STPG2: variants seen among roughly 807,000 people sequenced by gnomAD.
The protein encoded by STPG2 is sperm-tail PG-rich repeat-containing protein 2.
In STPG2, 56 loss-of-function variants were observed where a neutral mutation model predicts 54.2. That is an observed-to-expected ratio of 1.03 (90% confidence interval 0.83 to 1.29). STPG2 has a LOEUF of 1.29. Among genes scored for constraint, STPG2 ranks in the 50% most tolerant of loss-of-function variants. STPG2 has a pLI of 0.00. For synonymous variants in STPG2, 200 were observed against 181.8 expected (o/e 1.10, Z -0.81); for missense variants, 596 against 544.9 (o/e 1.09, Z -0.93).
intron 10 of STPG2, among the ~76,000 whole-genome samples, chr4:97,608,401 G>T (rs1024854968): frequency 6.6e-6 from 1 of 152,026 alleles, no homozygotes; most frequent in Non-Finnish European, 1.5e-5. Flanking sequence ...AGGTATAAGT[G>T]AGCTGAGCCC....
intron 8 of STPG2, among the ~76,000 whole-genome samples, chr4:97,863,159 C>G (rs142040824): frequency 1.3e-5 from 2 of 151,688 alleles, no homozygotes; most frequent in South Asian, 2.1e-4. Context: ...AATCCAGGAG[C>G]CAGTTTTTTG....
At chr4:97,858,967 C>T (rs1046349608) in intron 8 of STPG2, among the ~76,000 whole-genome samples, 3 of 152,164 alleles carry the variant, frequency 2.0e-5, no homozygotes, top group African/African-American at 7.2e-5. Flanking sequence ...TCTAAGGAAT[C>T]TCCATACTAC....
chr4:97,788,989 C>T (rs1726911721), intron 9 of STPG2, among the ~76,000 whole-genome samples: 1 of 151,606 alleles, frequency 6.6e-6, no homozygotes, highest in South Asian at 2.1e-4. Context: ...ACTTTTTGTT[C>T]CATTGGGTTT....
Position 97,895,081 on chromosome 4 carries a change from C to T in STPG2, c.1044+48816G>A, listed in dbSNP as rs772337159. On this transcript the variant is annotated intron_variant, in intron 8 of 10. Transcript: ENST00000295268. ...TTTCAAGAATCACAATAATTGTGGG[C>T]TCAAGGTATAACCCAGAAAGAAAAT... is the stretch of plus-strand genomic sequence containing the variant. Among the ~76,000 whole-genome samples, 3 of 151,646 alleles carry T rather than the reference C, an allele frequency of 2.0e-5. No individual in the cohort carries two copies. In the East Asian group the frequency reaches 5.8e-4, roughly 29 times the overall value.
chr4:98,009,483 G>A (rs1291592302), intron 5 of STPG2, among the ~76,000 whole-genome samples: 2 of 151,728 alleles, frequency 1.3e-5, no homozygotes, highest in Non-Finnish European at 2.9e-5. Flanking sequence ...TTTAAGTCTT[G>A]TTTTGTAGTC....
chr4:98,013,186 T>C (rs756090218), intron 5 of STPG2, among the ~76,000 whole-genome samples: 1 of 152,230 alleles, frequency 6.6e-6, no homozygotes, highest in Non-Finnish European at 1.5e-5. Context: ...ATTGAATGTC[T>C]TTTCTGCATC....
intron 10 of STPG2, among the ~76,000 whole-genome samples, chr4:97,593,907 A>G (rs1393598310): frequency 3.3e-5 from 5 of 152,144 alleles, no homozygotes; most frequent in African/African-American, 1.2e-4. Flanking sequence ...CCGAGCCATG[A>G]TGCCTTAAGT....
chr4:97,934,622 T>C (rs1012826392), intron 8 of STPG2, among the ~76,000 whole-genome samples: 1 of 152,180 alleles, frequency 6.6e-6, no homozygotes, highest in Non-Finnish European at 1.5e-5. Flanking sequence ...AATAATAATA[T>C]AGTTTTTTCA....
intron 5 of STPG2, among the ~76,000 whole-genome samples, chr4:98,069,883 A>ATAG (rs1224202962): frequency 6.6e-6 from 1 of 152,014 alleles, no homozygotes; most frequent in Non-Finnish European, 1.5e-5. Flanking sequence ...GTTAATAAAG[A>ATAG]TAGTATGTCA....
intron 9 of STPG2, among the ~76,000 whole-genome samples, chr4:97,818,082 G>C (rs1727969784): frequency 6.6e-6 from 1 of 151,694 alleles, no homozygotes; most frequent in South Asian, 2.1e-4. Context: ...GTACCTCTTA[G>C]GCCAAGCTGA....
At chr4:98,026,120 G>C in intron 5 of STPG2, 2 of 1,464,462 alleles carry the variant, frequency 1.4e-6, no homozygotes, top group East Asian at 4.5e-5. Flanking sequence ...TGCTATACGA[G>C]AGAATCCAGT....
chr4:98,080,359 G>A (rs1274987229), intron 5 of STPG2, among the ~76,000 whole-genome samples: 2 of 151,998 alleles, frequency 1.3e-5, no homozygotes, highest in African/African-American at 2.4e-5. Context: ...CGCCCAAGGA[G>A]CTAGGACTAC....
At chr4:97,791,197 T>C (rs998709226) in intron 9 of STPG2, among the ~76,000 whole-genome samples, 6 of 152,174 alleles carry the variant, frequency 3.9e-5, no homozygotes, top group Non-Finnish European at 8.8e-5. Context: ...AACTGTCTTT[T>C]TGAACTTTTT....
chr4:97,714,143 C>T (rs1201310034), intron 9 of STPG2, among the ~76,000 whole-genome samples: 1 of 152,048 alleles, frequency 6.6e-6, no homozygotes, highest in Admixed American at 6.6e-5. Context: ...TAATAAAATA[C>T]AAAATTAATT....
rs542986210 is a variant in STPG2 at position 97,690,960 on chromosome 4, C to A, written c.1320+21739G>T. ...ACTAGGTCAATATCAATGACAGAAT[C>A]CATGAAGATGAAACATTATTGCACC... On this transcript the variant is annotated intron_variant, in intron 10 of 10. Transcript: ENST00000295268. Among the ~76,000 whole-genome samples the A allele has an allele frequency of 3.9e-5, 6 of 152,108 alleles. No homozygotes were observed. In the South Asian group the frequency reaches 1.2e-3, roughly 32 times the overall value.
intron 4 of STPG2, among the ~76,000 whole-genome samples, chr4:97,466,296 T>C (rs532501577): frequency 6.3e-4 from 96 of 152,192 alleles, no homozygotes; most frequent in African/African-American, 2.1e-3. Context: ...GAAGTTAGGA[T>C]ACATCTGCAT....
intron 7 of STPG2, among the ~76,000 whole-genome samples, chr4:97,960,796 G>T (rs1733856022): frequency 6.6e-6 from 1 of 151,940 alleles, no homozygotes; most frequent in Admixed American, 6.6e-5. Flanking sequence ...TAAATTCAAT[G>T]CAATTCCCAT....
At chr4:97,869,627 T>C (rs1048573172) in intron 8 of STPG2, among the ~76,000 whole-genome samples, 6 of 151,638 alleles carry the variant, frequency 4.0e-5, no homozygotes, top group Non-Finnish European at 1.5e-5. Context: ...CTTAAACTTA[T>C]ATAAGTCTAC....
At chr4:98,077,262 G>GTTGTTGTTGT (rs1307282173) in intron 5 of STPG2, among the ~76,000 whole-genome samples, 2 of 98,712 alleles carry the variant, frequency 2.0e-5, no homozygotes, top group African/African-American at 4.5e-5. Context: ...GTTGTTGTTG[G>GTTGTTGTTGT]AGACAGAGTC....
Sources: allele counts gnomAD v4.1 joint callset (sites outside exome capture counted in the v4.1 genomes callset), GRCh38; gene constraint gnomAD v4.1.1; transcripts MANE v1.5; gene names NCBI Gene and HGNC (gene_info 2026-07-23, HGNC 2026-07-21).